Variants in ADAMTSL1 observed in about 807,000 individuals in gnomAD.
The protein encoded by ADAMTSL1 is ADAMTS-like protein 1.
ADAMTSL1 carries 126 observed loss-of-function variants against 201.8 expected under a neutral mutation model. That is an observed-to-expected ratio of 0.62 (90% confidence interval 0.54 to 0.72). The LOEUF is 0.72. Among genes scored for constraint, ADAMTSL1 ranks in the 30% least tolerant of loss-of-function variants. The pLI, the probability that ADAMTSL1 is intolerant of heterozygous loss-of-function variation, is 0.00. For missense variants in ADAMTSL1, 2,679 were observed against 2,277.8 expected (o/e 1.18, Z -3.59); for synonymous variants, 1,121 against 903.4 (o/e 1.24, Z -4.32).
At chr9:17,979,743 G>C (rs1818610916) in intron 1 of ADAMTSL1, among the ~76,000 whole-genome samples, 1 of 152,092 alleles carries the variant, frequency 6.6e-6, no homozygotes, top group Admixed American at 6.5e-5. Flanking sequence ...GAAAGAGTAA[G>C]TACCTCTTTC....
Position 18,843,173 on chromosome 9 carries a change from C to T in ADAMTSL1, c.4249+13196C>T, listed in dbSNP as rs574365496. Among the ~76,000 whole-genome samples, 143 of 150,756 alleles carry T rather than the reference C, an allele frequency of 9.5e-4. 11 individuals carry two copies. Among genetic ancestry groups the T allele is most frequent in the African/African-American group, 2.8e-3 (113 of 40,186 alleles). ...GGCATGATTTTGCAGTGGCTGGTAC[C>T]GGTTGTTCCTTTCCATGTTTAGTGC... is the stretch of plus-strand genomic sequence containing the variant. On this transcript the variant is annotated intron_variant, in intron 23 of 28. Transcript: ENST00000380548.
intron 2 of ADAMTSL1, among the ~76,000 whole-genome samples, chr9:18,283,384 C>T (rs1832865980): frequency 6.6e-6 from 1 of 151,914 alleles, no homozygotes; most frequent in African/African-American, 2.4e-5. Context: ...GCAGGAGGAT[C>T]ACTTAAGCCC....
intron 1 of ADAMTSL1, among the ~76,000 whole-genome samples, chr9:18,071,505 A>C (rs1233925384): frequency 6.6e-6 from 1 of 152,218 alleles, no homozygotes; most frequent in Non-Finnish European, 1.5e-5. Context: ...CAAATTCTCA[A>C]ATGTGAAAAA....
intron 2 of ADAMTSL1, among the ~76,000 whole-genome samples, chr9:18,446,975 T>G (rs1820216229): frequency 6.6e-6 from 1 of 152,148 alleles, no homozygotes; most frequent in South Asian, 2.1e-4. Flanking sequence ...ATGAACATTT[T>G]TTTTTTTAAA....
At chr9:18,571,524 C>G (rs150913523) in intron 3 of ADAMTSL1, among the ~76,000 whole-genome samples, 2 of 152,182 alleles carry the variant, frequency 1.3e-5, no homozygotes, top group African/African-American at 2.4e-5. Flanking sequence ...AACGAAAATA[C>G]TGTATTTAAA....
At chr9:18,351,321 C>G (rs572254045) in intron 2 of ADAMTSL1, among the ~76,000 whole-genome samples, 1 of 149,420 alleles carries the variant, frequency 6.7e-6, no homozygotes, top group South Asian at 2.1e-4. Context: ...TTTTTAAAAA[C>G]AATTTGCCAA....
At chr9:18,193,553 G>A (rs897022190) in intron 2 of ADAMTSL1, among the ~76,000 whole-genome samples, 4 of 152,004 alleles carry the variant, frequency 2.6e-5, no homozygotes, top group Non-Finnish European at 5.9e-5. Context: ...TTAAATTTCA[G>A]AGATTGCTTT....
intron 13 of ADAMTSL1, among the ~76,000 whole-genome samples, chr9:18,703,327 G>T (rs905963608): frequency 1.3e-5 from 2 of 152,088 alleles, no homozygotes; most frequent in South Asian, 2.1e-4. Context: ...AGAGCTGGGA[G>T]ATCTAGGGAC....
intron 26 of ADAMTSL1, among the ~76,000 whole-genome samples, chr9:18,893,716 T>G (rs1432892346): frequency 6.6e-6 from 1 of 152,222 alleles, no homozygotes; most frequent in Non-Finnish European, 1.5e-5. Context: ...ATAATATTGC[T>G]GATATTGTGC....
intron 2 of ADAMTSL1, among the ~76,000 whole-genome samples, chr9:18,379,460 T>C (rs1837454752): frequency 6.6e-6 from 1 of 152,216 alleles, no homozygotes; most frequent in Non-Finnish European, 1.5e-5. Flanking sequence ...TTTTTGCTAT[T>C]GCCCAGTGGG....
At chr9:18,695,491 A>G (rs1045929332) in intron 13 of ADAMTSL1, among the ~76,000 whole-genome samples, 1 of 152,196 alleles carries the variant, frequency 6.6e-6, no homozygotes, top group Non-Finnish European at 1.5e-5. Flanking sequence ...ATGTGATTAT[A>G]TGCTGTTAGA....
At chr9:18,893,184 C>G (rs1391859413) in intron 26 of ADAMTSL1, among the ~76,000 whole-genome samples, 2 of 152,062 alleles carry the variant, frequency 1.3e-5, no homozygotes, top group Non-Finnish European at 2.9e-5. Context: ...GGAATATCGT[C>G]TTTCTCCTAC....
chr9:18,683,553 G>A (rs538632161), intron 12 of ADAMTSL1, among the ~76,000 whole-genome samples: 2 of 152,252 alleles, frequency 1.3e-5, no homozygotes, highest in African/African-American at 4.8e-5. Flanking sequence ...TGGGATAGTT[G>A]GAGTAGTTGT....
intron 1 of ADAMTSL1, among the ~76,000 whole-genome samples, chr9:18,481,613 T>C (rs2131809816): frequency 6.6e-6 from 1 of 152,268 alleles, no homozygotes; most frequent in South Asian, 2.1e-4. Context: ...TAAATAACTC[T>C]CTGCACCTGC....
At chr9:18,481,094 G>A (rs1490590296) in intron 1 of ADAMTSL1, among the ~76,000 whole-genome samples, 1 of 152,228 alleles carries the variant, frequency 6.6e-6, no homozygotes, top group Non-Finnish European at 1.5e-5. Context: ...CAGAAAATCA[G>A]AGTGAACAAT....
intron 23 of ADAMTSL1, among the ~76,000 whole-genome samples, chr9:18,861,657 G>A (rs986137533): frequency 2.0e-5 from 3 of 152,220 alleles, no homozygotes; most frequent in South Asian, 4.1e-4. Flanking sequence ...GACGTTTCCA[G>A]TAAGGGCTGT....
chr9:18,017,563 C>T (rs930086320), intron 1 of ADAMTSL1, among the ~76,000 whole-genome samples: 1 of 151,872 alleles, frequency 6.6e-6, no homozygotes, highest in Non-Finnish European at 1.5e-5. Flanking sequence ...AATTTGGCTC[C>T]GAAGCCATGT....
At chr9:18,359,393 T>TTTC (rs1836400821) in intron 2 of ADAMTSL1, among the ~76,000 whole-genome samples, 2 of 152,170 alleles carry the variant, frequency 1.3e-5, no homozygotes, top group African/African-American at 4.8e-5. Flanking sequence ...AAATTAAATC[T>TTTC]TTCACCAGGG....
chr9:18,622,115 C>T, intron 4 of ADAMTSL1, 128 bp from the exon 5 acceptor site: 1 of 1,191,450 alleles, frequency 8.4e-7, no homozygotes, highest in Non-Finnish European at 1.2e-6. Context: ...TGAATTCAGT[C>T]CCCTTCACGG....
Sources: allele counts gnomAD v4.1 joint callset (sites outside exome capture counted in the v4.1 genomes callset), GRCh38; gene constraint gnomAD v4.1.1; transcripts MANE v1.5; gene names NCBI Gene and HGNC (gene_info 2026-07-23, HGNC 2026-07-21).